Variants in CCSER1 observed in about 807,000 individuals in gnomAD.
CCSER1 encodes coiled-coil serine rich protein 1, also known as serine-rich coiled-coil domain-containing protein 1.
CCSER1 carries 41 observed loss-of-function variants against 82.0 expected under a neutral mutation model. The ratio of observed to expected loss-of-function variants is 0.50; its 90% CI spans 0.39 to 0.65. The LOEUF is 0.65. Ranked by LOEUF, CCSER1 falls within the 30% of genes least tolerant of loss-of-function variation. The pLI, the probability that CCSER1 is intolerant of heterozygous loss-of-function variation, is 0.00. For synonymous variants in CCSER1, 414 were observed against 383.9 expected (o/e 1.08, Z -0.92); for missense variants, 1,119 against 1,064.2 (o/e 1.05, Z -0.72).
chr4:91,079,223 C>T (rs528911787), intron 9 of CCSER1, among the ~76,000 whole-genome samples: 12 of 152,288 alleles, frequency 7.9e-5, no homozygotes, highest in African/African-American at 2.4e-4. Context: ...AACAGCAGAT[C>T]TCTCAGCAGA....
At chr4:91,152,489 C>A (rs1233917868) in intron 10 of CCSER1, among the ~76,000 whole-genome samples, 3 of 152,106 alleles carry the variant, frequency 2.0e-5, no homozygotes, top group African/African-American at 4.8e-5. Context: ...CAGTCTGTAT[C>A]TTTTAATTGG....
At chr4:91,024,421 C>A (rs2870281) in intron 9 of CCSER1, among the ~76,000 whole-genome samples, 69,367 of 151,668 alleles carry the variant, frequency 0.46, 16,088 homozygotes, top group East Asian at 0.67. Flanking sequence ...GTTTGTAATA[C>A]ATTTATTTTT....
At chr4:91,112,434 T>C (rs1195892651) in intron 10 of CCSER1, among the ~76,000 whole-genome samples, 1 of 152,146 alleles carries the variant, frequency 6.6e-6, no homozygotes, top group Admixed American at 6.5e-5. Context: ...GACCTAACTA[T>C]TCTGTAAGTT....
intron 1 of CCSER1, among the ~76,000 whole-genome samples, chr4:90,281,170 T>C (rs1456291836): frequency 1.3e-5 from 2 of 152,004 alleles, no homozygotes; most frequent in Non-Finnish European, 2.9e-5. Context: ...TGGAGGCCAT[T>C]ATCCTAAGAG....
Position 90,468,174 on chromosome 4 carries a change from G to T in CCSER1, c.1604-60G>T, listed in dbSNP as rs569997246. The stretch of plus-strand genomic sequence containing the variant: ...CTAAATATAGAAAGGGGAAAAAGGA[G>T]ATGTGAGACTAGTTCATAAATAATT... On this transcript the variant is annotated intron_variant, in intron 4 of 10. Coordinates refer to ENST00000509176, the MANE Select transcript of CCSER1 (RefSeq NM_001145065.2). 25 of 1,437,368 alleles carry T rather than the reference G, an allele frequency of 1.7e-5. 1 individual carries two copies. The East Asian group carries it at 5.7e-4, about 33-fold the overall frequency. The allele number at this position is 1,437,368 out of a possible 1,614,324, so 89.0% of individuals were successfully genotyped here. A position where few individuals can be genotyped will look rare whatever the true frequency, so the allele number is the denominator to read the frequency against.
At chr4:90,966,873 C>T (rs1283109527) in intron 9 of CCSER1, among the ~76,000 whole-genome samples, 1 of 152,000 alleles carries the variant, frequency 6.6e-6, no homozygotes, top group African/African-American at 2.4e-5. Flanking sequence ...TCCCAGCTAG[C>T]TTCTCTGAAG....
intron 1 of CCSER1, among the ~76,000 whole-genome samples, chr4:90,202,090 G>A (rs1361394418): frequency 6.6e-6 from 1 of 152,110 alleles, no homozygotes; most frequent in Non-Finnish European, 1.5e-5. Flanking sequence ...AAGATATTAT[G>A]AAAGTCTAAT....
chr4:91,367,492 C>A (rs1472364597), intron 10 of CCSER1, among the ~76,000 whole-genome samples: 5 of 145,568 alleles, frequency 3.4e-5, no homozygotes, highest in African/African-American at 1.0e-4. Context: ...ATAGGCAATT[C>A]TTGAGATAGT....
At chr4:91,244,012 C>T (rs1018369002) in intron 10 of CCSER1, among the ~76,000 whole-genome samples, 5 of 152,152 alleles carry the variant, frequency 3.3e-5, no homozygotes, top group African/African-American at 7.2e-5. Context: ...CCTGACCTTC[C>T]CTGGGCTACA....
intron 5 of CCSER1, among the ~76,000 whole-genome samples, chr4:90,485,334 A>G (rs185853924): frequency 1.4e-3 from 213 of 152,246 alleles, no homozygotes; most frequent in Middle Eastern, 6.8e-3. Context: ...AGGTGAGTCG[A>G]TGCCTCGCTC....
At chr4:91,552,322 C>T (rs1473588304) in intron 10 of CCSER1, among the ~76,000 whole-genome samples, 1 of 151,686 alleles carries the variant, frequency 6.6e-6, no homozygotes, top group African/African-American at 2.4e-5. Context: ...GCAAGTATTT[C>T]CAAACATAAA....
intron 4 of CCSER1, among the ~76,000 whole-genome samples, chr4:90,439,384 G>A (rs993793199): frequency 4.6e-5 from 7 of 152,036 alleles, no homozygotes; most frequent in African/African-American, 1.7e-4. Context: ...ATATCATTTA[G>A]GTTATTGTTG....
chr4:91,499,996 G>T (rs530123060), intron 10 of CCSER1, among the ~76,000 whole-genome samples: 1 of 152,114 alleles, frequency 6.6e-6, no homozygotes, highest in South Asian at 2.1e-4. Context: ...ATCAATAAGT[G>T]CAATTCCTAA....
chr4:90,779,222 A>G (rs1182983452), intron 7 of CCSER1, among the ~76,000 whole-genome samples: 1 of 152,134 alleles, frequency 6.6e-6, no homozygotes, highest in Admixed American at 6.5e-5. Context: ...TTTCATCTAT[A>G]CTAAATATCT....
chr4:91,381,573 G>A (rs1187709886), intron 10 of CCSER1, among the ~76,000 whole-genome samples: 4 of 152,036 alleles, frequency 2.6e-5, no homozygotes, highest in Admixed American at 6.6e-5. Flanking sequence ...GGTAGTTCTC[G>A]TGCCATGGTT....
At chr4:90,836,287 C>T (rs527628187) in intron 8 of CCSER1, among the ~76,000 whole-genome samples, 33 of 152,014 alleles carry the variant, frequency 2.2e-4, no homozygotes, top group Non-Finnish European at 4.4e-4. Context: ...GGTCTGGCAT[C>T]CTAATGAATG....
intron 10 of CCSER1, among the ~76,000 whole-genome samples, chr4:91,094,600 C>G (rs944479740): frequency 1.3e-5 from 2 of 152,088 alleles, no homozygotes; most frequent in Non-Finnish European, 2.9e-5. Context: ...TAAGATGAAC[C>G]TGTATTCCTT....
At chr4:90,150,571 A>G (rs1200579754) in intron 1 of CCSER1, among the ~76,000 whole-genome samples, 1 of 152,124 alleles carries the variant, frequency 6.6e-6, no homozygotes. Flanking sequence ...ACATATAAAC[A>G]TTTACTTGTA....
chr4:91,041,856 G>C (rs1197379058), intron 9 of CCSER1, among the ~76,000 whole-genome samples: 1 of 152,128 alleles, frequency 6.6e-6, no homozygotes, highest in Non-Finnish European at 1.5e-5. Flanking sequence ...GAAAAGCATT[G>C]TGGATTTTTG....
Sources: gnomAD v4.1 joint callset for allele counts (sites outside exome capture counted in the v4.1 genomes callset) on GRCh38, gnomAD v4.1.1 for gene constraint, MANE v1.5 for transcripts, NCBI Gene and HGNC (gene_info 2026-07-23, HGNC 2026-07-21) for gene names.